Variants in HSPA12A observed in about 807,000 individuals in gnomAD.
HSPA12A encodes heat shock protein family A (Hsp70) member 12A.
Under a neutral mutation model 69.2 loss-of-function variants are expected in HSPA12A, and 28 were observed. That is an observed-to-expected ratio of 0.40 (90% CI 0.30 to 0.55). The LOEUF is 0.55. Among genes scored for constraint, HSPA12A ranks in the 20% least tolerant of loss-of-function variants. HSPA12A has a pLI of 0.38. For synonymous variants in HSPA12A, 345 were observed against 370.5 expected (o/e 0.93, Z 0.79); for missense variants, 686 against 900.7 (o/e 0.76, Z 3.05).
intron 2 of HSPA12A, among the ~76,000 whole-genome samples, chr10:116,761,349 A>G (rs1665674): frequency 0.98 from 148,379 of 152,112 alleles, 72,496 homozygotes; most frequent in East Asian, 1. Flanking sequence ...AGCTGGGCAT[A>G]GTGGCGCACA....
At chr10:116,742,028 C>A (rs1269193648) in intron 1 of HSPA12A, among the ~76,000 whole-genome samples, 2 of 152,174 alleles carry the variant, frequency 1.3e-5, no homozygotes, top group Non-Finnish European at 2.9e-5. Flanking sequence ...CCCGGCCACC[C>A]GGCGGCGGGC....
At chr10:116,827,491 C>T (rs1200453364) in intron 2 of HSPA12A, 4 of 152,266 alleles carry the variant, frequency 2.6e-5, no homozygotes, top group Non-Finnish European at 4.4e-5. Context: ...ACCTCTCCTG[C>T]TGGTACAGAC....
rs1008886204 is a variant in HSPA12A at position 116,692,276 on chromosome 10, C to A, written c.663+75G>T. 6 of 1,116,410 alleles carry A rather than the reference C, an allele frequency of 5.4e-6. No individual in the cohort carries two copies. In the African/African-American group the frequency reaches 6.1e-5, roughly 11 times the overall value. 69.2% of individuals were successfully genotyped at this position (1,116,410 alleles called of 1,614,324 possible). ...CCAGTGAATGTGGGAGGTACCTGGG[C>A]GGGGCTACAGTCACCACCCTGGACA... On this transcript the variant is annotated intron_variant, in intron 6 of 11. Coordinates refer to ENST00000369209, the MANE Select transcript of HSPA12A (RefSeq NM_025015.3).
chr10:116,758,811 G>GAGTTTT (rs782084401), intron 2 of HSPA12A, among the ~76,000 whole-genome samples: 4 of 152,118 alleles, frequency 2.6e-5, no homozygotes, highest in Non-Finnish European at 5.9e-5. Flanking sequence ...TAAAACCAAG[G>GAGTTTT]AAATAAAGAG....
At chr10:116,705,118 C>A in intron 3 of HSPA12A, 33 bp downstream of exon 3, 1 of 1,612,534 alleles carries the variant, frequency 6.2e-7, no homozygotes. Flanking sequence ...TGGTTGGCAC[C>A]AGCCACGTGG....
chr10:116,740,340 A>C (rs782316244), intron 1 of HSPA12A, among the ~76,000 whole-genome samples: 8 of 152,228 alleles, frequency 5.3e-5, no homozygotes, highest in African/African-American at 1.7e-4. Flanking sequence ...CCTTAGAAAT[A>C]AGTGTAGGGG....
chr10:116,701,136 C>G lies in HSPA12A; in HGVS notation c.255-7G>C, dbSNP rs372475550. On this transcript the variant is annotated splice_polypyrimidine_tract_variant and splice_region_variant and intron_variant, in intron 3 of 11. Transcript: ENST00000369209. ...GTCACCTCCCTCCCATCGCCTGCCA[C>G]CAAGGGAAGCAGAAGTTATGGGGCC... is the stretch of plus-strand genomic sequence containing the variant. 6.2e-7 allele frequency: 1 copy of G among 1,612,824 alleles called. No individual in the cohort carries two copies. Among genetic ancestry groups the G allele is most frequent in the African/African-American group, 1.3e-5 (1 of 74,838 alleles).
chr10:116,789,839 T>A (rs1844663532), intron 2 of HSPA12A, among the ~76,000 whole-genome samples: 1 of 152,092 alleles, frequency 6.6e-6, no homozygotes, highest in Admixed American at 6.6e-5. Flanking sequence ...CCCTGGAAGC[T>A]CTCTCCAGAC....
chr10:116,761,442 C>A (rs1476271842), intron 2 of HSPA12A, among the ~76,000 whole-genome samples: 4 of 150,394 alleles, frequency 2.7e-5, no homozygotes, highest in African/African-American at 9.8e-5. Context: ...GCCGAGATCA[C>A]ACCACTGCAC....
intron 2 of HSPA12A, chr10:116,751,168 CA>C: frequency 8.7e-6 from 2 of 228,820 alleles, no homozygotes; most frequent in Non-Finnish European, 9.3e-6. Context: ...GTGACAATGG[CA>C]AAACTGTCCC....
chr10:116,747,816 T>C (rs1589682903), intron 2 of HSPA12A, among the ~76,000 whole-genome samples: 4 of 152,166 alleles, frequency 2.6e-5, no homozygotes, highest in Non-Finnish European at 5.9e-5. Flanking sequence ...CTGGCCAACA[T>C]GGTGAAACCC....
At chr10:116,801,912 C>T (rs1418452324) in intron 2 of HSPA12A, among the ~76,000 whole-genome samples, 1 of 151,878 alleles carries the variant, frequency 6.6e-6, no homozygotes, top group Non-Finnish European at 1.5e-5. Context: ...TTTTTGTGTC[C>T]AGAAAGTGTA....
At chr10:116,742,233 G>A (rs879979015) in intron 1 of HSPA12A, among the ~76,000 whole-genome samples, 197 bp downstream of exon 1, 73 of 151,924 alleles carry the variant, frequency 4.8e-4, no homozygotes, top group African/African-American at 1.7e-3. Flanking sequence ...TGTGACCCGC[G>A]GGCCGTCTCC....
chr10:116,751,627 C>T (rs1176298756), intron 2 of HSPA12A, among the ~76,000 whole-genome samples: 1 of 152,160 alleles, frequency 6.6e-6, no homozygotes, highest in African/African-American at 2.4e-5. Context: ...CCAGGAAAAA[C>T]AGTAACAGTT....
chr10:116,682,786 C>T (rs1849453231), intron 7 of HSPA12A, among the ~76,000 whole-genome samples: 2 of 151,952 alleles, frequency 1.3e-5, no homozygotes, highest in African/African-American at 4.8e-5. Context: ...CTGCAAGCTC[C>T]GCCTCCCGGG....
chr10:116,690,264 G>T (rs1399929574), intron 6 of HSPA12A, among the ~76,000 whole-genome samples: 1 of 152,092 alleles, frequency 6.6e-6, no homozygotes, highest in Non-Finnish European at 1.5e-5. Context: ...AGTATGCAAG[G>T]CTTCAGTGAA....
intron 2 of HSPA12A, among the ~76,000 whole-genome samples, chr10:116,796,081 G>A (rs1323260442): frequency 6.9e-6 from 1 of 144,994 alleles, no homozygotes; most frequent in Admixed American, 7.2e-5. Flanking sequence ...CCAGGAGGCG[G>A]AGCTTACAGT....
chr10:116,834,059 A>T (rs1325167184), intron 2 of HSPA12A, among the ~76,000 whole-genome samples: 1 of 152,232 alleles, frequency 6.6e-6, no homozygotes, highest in East Asian at 1.9e-4. Context: ...GGGAGGCAGC[A>T]GTAAAAGAAA....
chr10:116,688,846 T>C (rs1467752973), intron 6 of HSPA12A, among the ~76,000 whole-genome samples: 1 of 152,168 alleles, frequency 6.6e-6, no homozygotes, highest in Non-Finnish European at 1.5e-5. Context: ...ACTGGACTAT[T>C]TCCTATCCAC....
Sources: gnomAD v4.1 joint callset for allele counts (sites outside exome capture counted in the v4.1 genomes callset) on GRCh38, gnomAD v4.1.1 for gene constraint, MANE v1.5 for transcripts, NCBI Gene and HGNC (gene_info 2026-07-23, HGNC 2026-07-21) for gene names.